NAA11: variants seen among roughly 807,000 people sequenced by gnomAD.
NAA11 encodes N-alpha-acetyltransferase 11.
In NAA11, 15 loss-of-function variants were observed where a neutral mutation model predicts 16.1. The ratio of observed to expected loss-of-function variants is 0.93; its 90% confidence interval spans 0.62 to 1.44. The LOEUF (loss-of-function observed/expected upper bound fraction) is 1.44. Among genes scored for constraint, NAA11 ranks in the 40% most tolerant of loss-of-function variants. The pLI, the probability that NAA11 is intolerant of heterozygous loss-of-function variation, is 0.00. For synonymous variants in NAA11, 122 were observed against 112.4 expected (o/e 1.09, Z -0.54); for missense variants, 298 against 291.3 (o/e 1.02, Z -0.17).
the NAA11 span, among the ~76,000 whole-genome samples, chr4:79,191,678 AAGTTC>A: frequency 6.6e-6 from 1 of 152,088 alleles, no homozygotes; most frequent in Non-Finnish European, 1.5e-5. Context: ...AGAGGTTCTT[AAGTTC>A]AGTTAGATCC....
chr4:79,197,475 A>G, the NAA11 span: 1 of 152,048 alleles, frequency 6.6e-6, no homozygotes, highest in African/African-American at 2.4e-5. Flanking sequence ...GGACTTGGCC[A>G]TGTGACTTGT....
At chr4:79,280,820 A>G (rs1722768549) in intron 2 of NAA11, among the ~76,000 whole-genome samples, 1 of 152,072 alleles carries the variant, frequency 6.6e-6, no homozygotes, top group African/African-American at 2.4e-5. Context: ...GGAAGTGTTC[A>G]TATGATGGAA....
At chr4:79,189,145 C>CAAAAAAAAAAAAAAAAAAAA in the NAA11 span, among the ~76,000 whole-genome samples, 305 of 42,270 alleles carry the variant, frequency 7.2e-3, 91 homozygotes, top group East Asian at 0.013. Context: ...GACTCCATCT[C>CAAAAAAAAAAAAAAAAAAAA]AAAAAAAAAA....
chr4:79,169,638 T>C, the NAA11 span, among the ~76,000 whole-genome samples: 4 of 152,096 alleles, frequency 2.6e-5, no homozygotes, highest in East Asian at 7.7e-4. Context: ...CCTATAACCA[T>C]AAAAACCCTA....
chr4:79,208,718 A>G, the NAA11 span, among the ~76,000 whole-genome samples: 63 of 152,022 alleles, frequency 4.1e-4, 1 homozygote, highest in South Asian at 0.013. Context: ...AGCATTATAC[A>G]TATTTCATGT....
At chr4:79,309,166 T>C (rs1451624827) in intron 1 of NAA11, among the ~76,000 whole-genome samples, 1 of 152,360 alleles carries the variant, frequency 6.6e-6, no homozygotes, top group East Asian at 1.9e-4. Flanking sequence ...CTTAATAGCC[T>C]CTGGCTATGC....
chr4:79,211,493 C>T, the NAA11 span, among the ~76,000 whole-genome samples: 1 of 152,074 alleles, frequency 6.6e-6, no homozygotes, highest in Non-Finnish European at 1.5e-5. Flanking sequence ...TGCACACACT[C>T]GTACTATCAG....
intron 2 of NAA11, among the ~76,000 whole-genome samples, chr4:79,243,363 A>G (rs1721736879): frequency 6.6e-6 from 1 of 152,258 alleles, no homozygotes; most frequent in Non-Finnish European, 1.5e-5. Context: ...CAAAATTGTC[A>G]TATGGGATTC....
chr4:79,254,112 G>A (rs1274599690), intron 2 of NAA11, among the ~76,000 whole-genome samples: 1 of 152,076 alleles, frequency 6.6e-6, no homozygotes, highest in Non-Finnish European at 1.5e-5. Context: ...TTTGATGAAT[G>A]GCCTATGCCA....
intron 2 of NAA11, among the ~76,000 whole-genome samples, chr4:79,263,171 A>G (rs1722275467): frequency 6.6e-6 from 1 of 152,216 alleles, no homozygotes; most frequent in African/African-American, 2.4e-5. Flanking sequence ...TGCATAATAG[A>G]TATTCAATAA....
chr4:79,260,133 G>T (rs1722216061), intron 2 of NAA11, among the ~76,000 whole-genome samples: 1 of 152,094 alleles, frequency 6.6e-6, no homozygotes, highest in South Asian at 2.1e-4. Context: ...GGTATTTGGG[G>T]GTTATCCTAA....
the NAA11 span, among the ~76,000 whole-genome samples, chr4:79,159,402 C>T: frequency 7.4e-3 from 1,120 of 152,226 alleles, 12 homozygotes; most frequent in African/African-American, 0.026. Flanking sequence ...CTCACTCCTG[C>T]AAGAATGACC....
the NAA11 span, among the ~76,000 whole-genome samples, chr4:79,219,379 C>G: frequency 6.6e-6 from 1 of 152,038 alleles, no homozygotes; most frequent in African/African-American, 2.4e-5. Flanking sequence ...CAAATAAGGC[C>G]TAATAAAGAA....
At chr4:79,262,939 T>C (rs1443738253) in intron 2 of NAA11, among the ~76,000 whole-genome samples, 1 of 152,170 alleles carries the variant, frequency 6.6e-6, no homozygotes, top group Non-Finnish European at 1.5e-5. Context: ...AATACAAAAC[T>C]GTCCCCACCT....
rs192836486 is a variant in NAA11, at chr4:79,290,715, A to T, written c.*122+3290T>A. 6.9e-4 allele frequency among the ~76,000 whole-genome samples: 105 copies of T among 152,276 alleles called. 2 individuals are homozygous for T. Among genetic ancestry groups the T allele is most frequent in the African/African-American group, 2.4e-3 (99 of 41,532 alleles). ...TAGTCTCAGATCCCATATGGTAAGA[A>T]ATAATTCTGTTTTAAAGTTTTGTGT... On this transcript the variant is annotated intron_variant and NMD_transcript_variant, in intron 2 of 2. Coordinates refer to the NAA11 transcript ENST00000511542.
the NAA11 span, among the ~76,000 whole-genome samples, chr4:79,219,252 G>C: frequency 5.9e-5 from 9 of 152,138 alleles, no homozygotes; most frequent in Non-Finnish European, 1.2e-4. Context: ...TAAATGAAGA[G>C]TAGTCATTAT....
the NAA11 span, among the ~76,000 whole-genome samples, chr4:79,214,524 G>A: frequency 2.6e-5 from 4 of 152,148 alleles, no homozygotes; most frequent in African/African-American, 7.2e-5. Context: ...TCAGGATCGG[G>A]CTCCGTGGCT....
chr4:79,304,168 T>C (rs917216760), intron 1 of NAA11, among the ~76,000 whole-genome samples: 1 of 152,216 alleles, frequency 6.6e-6, no homozygotes, highest in Non-Finnish European at 1.5e-5. Context: ...AGCCAAATTT[T>C]CTCTGATCTT....
chr4:79,203,377 G>C, the NAA11 span, among the ~76,000 whole-genome samples: 1 of 151,712 alleles, frequency 6.6e-6, no homozygotes, highest in Non-Finnish European at 1.5e-5. Flanking sequence ...AGGAAACTTT[G>C]ATGAGTGGAA....
Sources: allele counts gnomAD v4.1 joint callset (sites outside exome capture counted in the v4.1 genomes callset), GRCh38; gene constraint gnomAD v4.1.1; transcripts MANE v1.5; gene names NCBI Gene and HGNC (gene_info 2026-07-23, HGNC 2026-07-21).